Variants in RAD54L2 observed in about 807,000 individuals in gnomAD.
RAD54L2 encodes RAD54 like 2.
RAD54L2 carries 27 observed loss-of-function variants against 138.4 expected under a neutral mutation model. That is an observed-to-expected ratio of 0.20 (90% CI 0.14 to 0.27). RAD54L2 has a LOEUF of 0.27. Ranked by LOEUF, RAD54L2 falls within the 10% of genes least tolerant of loss-of-function variation. The pLI is 1.00. For missense variants in RAD54L2, 1,396 were observed against 1,890.2 expected (o/e 0.74, Z 4.85); for synonymous variants, 644 against 723.2 (o/e 0.89, Z 1.76).
rs960086410 is a variant in RAD54L2, at chr3:51,591,872, A to G, written c.139+1313A>G. 3.9e-5 allele frequency among the ~76,000 whole-genome samples: 6 copies of G among 152,050 alleles called. 1 individual carries two copies. The highest frequency in any genetic ancestry group is 1.5e-5 in the Non-Finnish European group (1 of 68,004). On this transcript the variant is annotated intron_variant, in intron 3 of 22. Coordinates refer to ENST00000684192, the MANE Select transcript of RAD54L2 (RefSeq NM_015106.4). ...TGCTTCTGGTGAGTGTAATGGATAT[A>G]TACACACTATCTTCCCTGTTGGCTT...
intron 2 of RAD54L2, among the ~76,000 whole-genome samples, chr3:51,581,030 A>G (rs1044856845): frequency 6.6e-6 from 1 of 152,214 alleles, no homozygotes; most frequent in Non-Finnish European, 1.5e-5. Context: ...CCTATATACC[A>G]TGTAGGTGTA....
intron 7 of RAD54L2, among the ~76,000 whole-genome samples, chr3:51,632,846 T>C (rs771471373): frequency 6.7e-6 from 1 of 149,000 alleles, no homozygotes; most frequent in African/African-American, 2.5e-5. Flanking sequence ...TGAGCTGAGA[T>C]TGCGCCTTTG....
chr3:51,545,043 A>G (rs1698650078), intron 2 of RAD54L2, among the ~76,000 whole-genome samples: 4 of 152,246 alleles, frequency 2.6e-5, no homozygotes, highest in Admixed American at 1.3e-4. Context: ...GTTAGAATTC[A>G]GTGACTATAA....
intron 2 of RAD54L2, among the ~76,000 whole-genome samples, chr3:51,571,264 C>T (rs1340214197): frequency 6.6e-6 from 1 of 152,064 alleles, no homozygotes; most frequent in Non-Finnish European, 1.5e-5. Context: ...CCAGCCTTTG[C>T]CCCTTGTTCC....
intron 3 of RAD54L2, among the ~76,000 whole-genome samples, chr3:51,598,683 G>A (rs1344867102): frequency 1.3e-5 from 2 of 152,094 alleles, no homozygotes; most frequent in African/African-American, 2.4e-5. Flanking sequence ...TTGAACCCAG[G>A]GGGCAGAGAC....
chr3:51,584,049 C>T (rs1699662948), intron 2 of RAD54L2, among the ~76,000 whole-genome samples: 1 of 152,082 alleles, frequency 6.6e-6, no homozygotes, highest in African/African-American at 2.4e-5. Flanking sequence ...GCCCATTTCT[C>T]CCCTGGGTTG....
chr3:51,586,431 G>GC (rs1553680352), intron 2 of RAD54L2, among the ~76,000 whole-genome samples: 4 of 134,280 alleles, frequency 3.0e-5, no homozygotes, highest in Non-Finnish European at 6.5e-5. Context: ...TGTTGCCTTT[G>GC]TTTTTTTTTT....
chr3:51,608,769 G>C (rs1700262163), intron 3 of RAD54L2, among the ~76,000 whole-genome samples: 1 of 152,234 alleles, frequency 6.6e-6, no homozygotes, highest in Non-Finnish European at 1.5e-5. Context: ...GTGCCGAGAT[G>C]ACGGCAGTAC....
intron 2 of RAD54L2, among the ~76,000 whole-genome samples, chr3:51,562,937 C>A (rs976514400): frequency 6.6e-6 from 1 of 152,164 alleles, no homozygotes; most frequent in South Asian, 2.1e-4. Flanking sequence ...CCGAGTCTGG[C>A]CAGAAATTTC....
At chr3:51,565,054 G>A (rs920841921) in intron 2 of RAD54L2, among the ~76,000 whole-genome samples, 20 of 152,172 alleles carry the variant, frequency 1.3e-4, no homozygotes, top group African/African-American at 4.6e-4. Flanking sequence ...TCACTCCTGT[G>A]CACTACTCAC....
chr3:51,600,218 A>C (rs1700051444), intron 3 of RAD54L2, among the ~76,000 whole-genome samples: 1 of 152,138 alleles, frequency 6.6e-6, no homozygotes, highest in Admixed American at 6.6e-5. Flanking sequence ...CTGAGATTAC[A>C]GGCGTGAGCC....
chr3:51,593,290 A>G (rs1238952962), intron 3 of RAD54L2, among the ~76,000 whole-genome samples: 1 of 151,876 alleles, frequency 6.6e-6, no homozygotes, highest in Non-Finnish European at 1.5e-5. Flanking sequence ...CTGAGATCTG[A>G]GAAACCATTT....
chr3:51,595,180 C>T (rs963821641), intron 3 of RAD54L2, among the ~76,000 whole-genome samples: 2 of 152,104 alleles, frequency 1.3e-5, no homozygotes, highest in African/African-American at 2.4e-5. Flanking sequence ...GGCCCTTTTA[C>T]TGAGGAGCAT....
At chr3:51,626,691 C>T (rs373634309) in intron 3 of RAD54L2, among the ~76,000 whole-genome samples, 3 of 151,708 alleles carry the variant, frequency 2.0e-5, no homozygotes, top group Non-Finnish European at 2.9e-5. Flanking sequence ...GTGATCCTCC[C>T]GCCTCAGCCT....
At chr3:51,592,264 T>C (rs903119990) in intron 3 of RAD54L2, among the ~76,000 whole-genome samples, 1 of 151,872 alleles carries the variant, frequency 6.6e-6, no homozygotes, top group Admixed American at 6.6e-5. Flanking sequence ...GATTTCTCTA[T>C]GTTGGTTAGG....
chr3:51,619,815 T>C (rs1315448139), intron 3 of RAD54L2, among the ~76,000 whole-genome samples: 2 of 152,230 alleles, frequency 1.3e-5, no homozygotes, highest in East Asian at 3.8e-4. Context: ...TCTATCTACA[T>C]TGCTCTTGAC....
rs1305288016 is a variant in RAD54L2 at position 51,639,453 on chromosome 3, T to G, written c.1895T>G (p.Leu632Arg). The G allele has an allele frequency of 6.2e-7, 1 of 1,613,970 alleles. No homozygotes were observed. ...WNHPDVLYEA[L>R]QKESLANEQD... The stretch of plus-strand genomic sequence containing the variant: ...CACCCTGATGTGCTGTATGAAGCCC[T>G]TCAGAAGGAGAGCTTGGCCAATGAG... Residue 632 changes from leucine to arginine, a missense_variant, in exon 13 of 23, where the codon CTT becomes CGT. Transcript: ENST00000684192.
Position 51,666,174 on chromosome 3 carries a change from C to CTTTTTTTGTTTTT in RAD54L2, c.*2761_*2762insGTTTTTTTTTTTT, listed in dbSNP as rs1701906619. On this transcript the variant is annotated 3_prime_UTR_variant, in exon 23 of 23. Coordinates refer to ENST00000684192, the MANE Select transcript of RAD54L2 (RefSeq NM_015106.4). ...AGTGCTACCAGGTCCATGGTTTTTG[C>CTTTTTTTGTTTTT]TTTTTTTTTTTTTTTTTTTTTTTTT... is the stretch of plus-strand genomic sequence containing the variant. 1.7e-5 allele frequency: 1 copy of CTTTTTTTGTTTTT among 58,706 alleles called. No individual in the cohort carries two copies. The highest frequency in any genetic ancestry group is 2.8e-5 in the Non-Finnish European group (1 of 36,318). The allele number at this position is 58,706 out of a possible 1,614,324, so 3.6% of individuals were successfully genotyped here.
chr3:51,659,064 C>T lies in RAD54L2; in HGVS notation c.3317-962C>T, dbSNP rs1453365650. ...AGGAGTTACAATAGAGACCTTATGG[C>T]TTATAAAGCTCTTACAAAAACCATC... On this transcript the variant is annotated intron_variant, in intron 21 of 22. Transcript: ENST00000684192. Among the ~76,000 whole-genome samples the T allele has an allele frequency of 2.1e-5, 3 of 143,992 alleles. No homozygotes were observed. The East Asian group carries it at 6.0e-4, about 29-fold the overall frequency. The allele number at this position is 143,992 out of a possible 152,430, so 94.5% of individuals were successfully genotyped here.
Sources: allele counts gnomAD v4.1 joint callset (sites outside exome capture counted in the v4.1 genomes callset), GRCh38; gene constraint gnomAD v4.1.1; transcripts MANE v1.5; gene names NCBI Gene and HGNC (gene_info 2026-07-23, HGNC 2026-07-21).